The following PCDHGA7 variants were observed in gnomAD, a reference collection of about 807,000 sequenced individuals.
PCDHGA7 encodes protocadherin gamma subfamily A, 7.
PCDHGA7 carries 44 observed loss-of-function variants against 58.3 expected under a neutral mutation model. The ratio of observed to expected loss-of-function variants is 0.75; its 90% CI spans 0.59 to 0.97. The LOEUF is 0.97. PCDHGA7 is among the 50% of genes least tolerant of loss of function. The pLI is 0.00. For synonymous variants in PCDHGA7, 516 were observed against 504.2 expected (o/e 1.02, Z -0.31); for missense variants, 1,266 against 1,188.7 (o/e 1.06, Z -0.96).
At chr5:141,403,046 C>T in intron 1 of PCDHGA7, 1 of 1,614,056 alleles carries the variant, frequency 6.2e-7, no homozygotes, top group Non-Finnish European at 8.5e-7. Flanking sequence ...CAGTCAGATT[C>T]GCTACTCAGT....
intron 1 of PCDHGA7, among the ~76,000 whole-genome samples, chr5:141,480,290 C>T (rs1053173416): frequency 2.2e-5 from 3 of 134,088 alleles, no homozygotes; most frequent in Non-Finnish European, 4.7e-5. Flanking sequence ...TGGCATGCAC[C>T]TGTGGTACCA....
chr5:141,403,540 G>A (rs752983401), intron 1 of PCDHGA7: 2 of 1,613,886 alleles, frequency 1.2e-6, no homozygotes, highest in African/African-American at 2.7e-5. Context: ...AGCTGGTGCT[G>A]GAGCGCGCCC....
chr5:141,446,639 G>T (rs1461520959), intron 1 of PCDHGA7, among the ~76,000 whole-genome samples: 7 of 152,116 alleles, frequency 4.6e-5, no homozygotes, highest in Non-Finnish European at 8.8e-5. Flanking sequence ...ACCACGCCTG[G>T]CTAATTTTTG....
At chr5:141,410,683 A>G (rs775289402) in intron 1 of PCDHGA7, 2 of 1,528,162 alleles carry the variant, frequency 1.3e-6, no homozygotes. Flanking sequence ...TATTTTAGGC[A>G]TACTACTTTA....
intron 1 of PCDHGA7, chr5:141,404,766 C>T (rs1489047184): frequency 6.2e-7 from 1 of 1,613,940 alleles, no homozygotes; most frequent in East Asian, 2.2e-5. Flanking sequence ...GCTTGGCTCT[C>T]CTACCGCCTA....
At chr5:141,393,559 T>A (rs1349401032) in intron 1 of PCDHGA7, 1 of 1,613,814 alleles carries the variant, frequency 6.2e-7, no homozygotes, top group Non-Finnish European at 8.5e-7. Context: ...ATTTACCGAG[T>A]GAAAGTCCTT....
At chr5:141,398,517 G>C (rs754431224) in intron 1 of PCDHGA7, 38 of 1,592,096 alleles carry the variant, frequency 2.4e-5, no homozygotes, top group Non-Finnish European at 3.1e-5. Flanking sequence ...ATGACCACAC[G>C]CCAAAATTCA....
chr5:141,384,703 G>C lies in PCDHGA7; in HGVS notation c.1804G>C (p.Ala602Pro), dbSNP rs776947081. ...GGTGGACAAAGATTCAGGCCAGAAC[G>C]CCTGGCTGTCATACCTCCTGCTTAA... ...VAVDKDSGQN[A>P]WLSYLLLKAS... Residue 602 changes from alanine (A) to proline (P), a missense_variant, in exon 1 of 4, where the codon GCC becomes CCC. By Grantham distance (27) the Ala-to-Pro change is conservative. Transcript: ENST00000518325. 2 of 1,613,982 alleles carry C rather than the reference G, an allele frequency of 1.2e-6. No individual in the cohort carries two copies. Among genetic ancestry groups the C allele is most frequent in the African/African-American group, 1.3e-5 (1 of 74,932 alleles).
Position 141,432,093 on chromosome 5 carries a change from CCAACGA to C in PCDHGA7, c.2424+46775_2424+46780del. 1.2e-6 allele frequency: 2 copies of C among 1,614,170 alleles called. No individual in the cohort carries two copies. The highest frequency in any genetic ancestry group is 1.7e-6 in the Non-Finnish European group (2 of 1,180,046). On this transcript the variant is annotated intron_variant, in intron 1 of 3. Coordinates refer to ENST00000518325, the MANE Select transcript of PCDHGA7 (RefSeq NM_018920.4). The surrounding 1 kb of genome is among the most constrained non-coding windows in gnomAD (Gnocchi z 6.0). ...CATATCTCGCTGAACGTGGCAGACA[CCAACGA>C]CAACCCGCCGGTCTTCCCTCAGGCC...
intron 1 of PCDHGA7, chr5:141,398,938 G>A: frequency 6.2e-7 from 1 of 1,613,958 alleles, no homozygotes; most frequent in African/African-American, 1.3e-5. Context: ...TGACCAAGAC[G>A]AGGGCATCAA....
intron 1 of PCDHGA7, among the ~76,000 whole-genome samples, chr5:141,443,667 C>G (rs62379164): frequency 0.042 from 6,382 of 152,210 alleles, 168 homozygotes; most frequent in Middle Eastern, 0.088. Flanking sequence ...TTTTACTGAA[C>G]TAGTAGTTTA....
In PCDHGA7 at chr5:141,395,514, C is replaced by T. The variant is rs138744897; in HGVS notation, c.2424+10191C>T. 1.1e-3 allele frequency: 455 copies of T among 421,180 alleles called. 7 individuals carry two copies. The highest frequency in any genetic ancestry group is 8.9e-3 in the African/African-American group (432 of 48,430). The allele number at this position is 421,180 out of a possible 1,614,324, so 26.1% of individuals were successfully genotyped here. ...ACTCATTCACTTAAGAAGTAGCTAC[C>T]CGTCCATACTGGTAATTTTGCTATT... On this transcript the variant is annotated intron_variant, in intron 1 of 3. Transcript: ENST00000518325.
At position 141,384,620 on chromosome 5, in the gene PCDHGA7, G is replaced by C. The variant is rs767421233; in HGVS notation, c.1721G>C (p.Gly574Ala). Residue 574 changes from glycine to alanine, a missense_variant, in exon 1 of 4, where the codon GGC (glycine) becomes GCC (alanine). Coordinates refer to ENST00000518325, the MANE Select transcript of PCDHGA7 (RefSeq NM_018920.4). ...YPALPTDGST[G>A]MELAPRSAEP... ...GCCCTCCCCACAGATGGTTCTACTG[G>C]CATGGAGCTGGCACCCCGCTCCGCA... 6 of 1,614,082 alleles carry C rather than the reference G, an allele frequency of 3.7e-6. No homozygotes were observed. The African/African-American group carries it at 8.0e-5, about 22-fold the overall frequency.
In PCDHGA7 at chr5:141,394,836, T is replaced by G. The variant is rs116789057; in HGVS notation, c.2424+9513T>G. On this transcript the variant is annotated intron_variant, in intron 1 of 3. Transcript: ENST00000518325. Reference sequence around the variant, plus strand: ...CAGCATCCCCGAAGTCCTGACCGAGTTGGGCAGTCTGAAGCCTTCGGTCGA... The same window carrying G: ...CAGCATCCCCGAAGTCCTGACCGAGGTGGGCAGTCTGAAGCCTTCGGTCGA... 1,507 of 1,613,748 alleles carry G rather than the reference T, an allele frequency of 9.3e-4. 9 individuals carry two copies. The African/African-American group carries it at 0.016, about 17-fold the overall frequency.
chr5:141,441,036 A>G (rs2098219746), intron 1 of PCDHGA7: 1 of 152,216 alleles, frequency 6.6e-6, no homozygotes, highest in South Asian at 2.1e-4. Context: ...TGAAAACTTT[A>G]AGTACATTGG....
chr5:141,384,849 TC>T lies in PCDHGA7; in HGVS notation c.1951del (p.Gln651SerfsTer55), dbSNP rs2047512750. The T allele has an allele frequency of 6.2e-7, 1 of 1,613,452 alleles. No individual in the cohort carries two copies. The highest frequency in any genetic ancestry group is 2.2e-5 in the East Asian group (1 of 44,882). ...SLVVAVQDHG[Q>X]PPLSATVTLT... Reference sequence around the variant, plus strand: ...TCGTGGTGGCCGTCCAGGACCACGGTCAGCCTCCTCTGTCAGCCACCGTCAC... The same window carrying T: ...TCGTGGTGGCCGTCCAGGACCACGGTAGCCTCCTCTGTCAGCCACCGTCAC... On this transcript the variant is annotated frameshift_variant, in exon 1 of 4. Coordinates refer to ENST00000518325, the MANE Select transcript of PCDHGA7 (RefSeq NM_018920.4). LOFTEE classifies it high-confidence loss of function.
In PCDHGA7 at chr5:141,477,590, C is replaced by T. The variant is rs1465863595; in HGVS notation, c.2425-17217C>T. On this transcript the variant is annotated intron_variant, in intron 1 of 3. Coordinates refer to ENST00000518325, the MANE Select transcript of PCDHGA7 (RefSeq NM_018920.4). This position sits in a 1 kb window ranked among gnomAD's most constrained non-coding sequence, Gnocchi z 4.9. ...CCCCGACGCCCCGCAGAATGCTCGG[C>T]TTTCTTTCTTTCTCTTGGAGCAAGG... The T allele has an allele frequency of 1.2e-6, 2 of 1,614,122 alleles. No individual in the cohort carries two copies. Among genetic ancestry groups the T allele is most frequent in the South Asian group, 2.2e-5 (2 of 91,080 alleles).
At position 141,489,749 on chromosome 5, in the gene PCDHGA7, AC is replaced by A; in HGVS notation, c.2425-5057del. ...GTGGGCACCAATACTGTGAGCTTTT[AC>A]ACTCTAAGCCCCAACAGCCACTTCT... is the stretch of plus-strand genomic sequence containing the variant. On this transcript the variant is annotated intron_variant, in intron 1 of 3. Transcript: ENST00000518325. The surrounding 1 kb of genome is among the most constrained non-coding windows in gnomAD (Gnocchi z 4.5). 6.2e-7 allele frequency: 1 copy of A among 1,614,126 alleles called. No individual in the cohort carries two copies. Among genetic ancestry groups the A allele is most frequent in the Non-Finnish European group, 8.5e-7 (1 of 1,180,002 alleles).
At position 141,491,561 on chromosome 5, in the gene PCDHGA7, A is replaced by C. The variant is rs1289732955; in HGVS notation, c.2425-3246A>C. The C allele has an allele frequency of 1.2e-6, 2 of 1,613,938 alleles. No homozygotes were observed. Among genetic ancestry groups the C allele is most frequent in the Admixed American group, 3.3e-5 (2 of 60,016 alleles). On this transcript the variant is annotated intron_variant, in intron 1 of 3. Transcript: ENST00000518325. This position sits in a 1 kb window ranked among gnomAD's most constrained non-coding sequence, Gnocchi z 6.9. ...CCCACAGACTCGCAGAGCCACTGCT[A>C]CAGGACGTGCTTTTCACCGGCCTCG...
Sources: allele counts gnomAD v4.1 joint callset (sites outside exome capture counted in the v4.1 genomes callset), GRCh38; gene constraint gnomAD v4.1.1; non-coding constraint Gnocchi (gnomAD v3.1); transcripts MANE v1.5; gene names NCBI Gene and HGNC (gene_info 2026-07-23, HGNC 2026-07-21).